CARMIL1: variants seen among roughly 807,000 people sequenced by gnomAD.
The protein encoded by CARMIL1 is F-actin-uncapping protein LRRC16A.
In CARMIL1, 90 loss-of-function variants were observed where a neutral mutation model predicts 177.1. The ratio of observed to expected loss-of-function variants is 0.51; its 90% CI spans 0.43 to 0.61. CARMIL1 has a LOEUF of 0.61. CARMIL1 is among the 20% of genes least tolerant of loss of function. CARMIL1 has a pLI of 0.00. For missense variants in CARMIL1, 1,380 were observed against 1,667.0 expected (o/e 0.83, Z 3.00); for synonymous variants, 577 against 606.2 (o/e 0.95, Z 0.71).
At chr6:25,312,923 A>AC (rs1443996718) in intron 2 of CARMIL1, among the ~76,000 whole-genome samples, 18 of 151,402 alleles carry the variant, frequency 1.2e-4, no homozygotes, top group Admixed American at 3.3e-4. Context: ...AAAAAAAAAA[A>AC]AAAAAAAACC....
At chr6:25,365,476 C>T (rs1355749558) in intron 2 of CARMIL1, among the ~76,000 whole-genome samples, 1 of 152,144 alleles carries the variant, frequency 6.6e-6, no homozygotes, top group African/African-American at 2.4e-5. Flanking sequence ...TTCTATTTAT[C>T]GCAGTAGTGC....
chr6:25,376,935 G>A (rs982766353), intron 2 of CARMIL1, among the ~76,000 whole-genome samples: 4 of 152,134 alleles, frequency 2.6e-5, no homozygotes, highest in African/African-American at 9.7e-5. Context: ...TCCCTGCTAG[G>A]CCAGCAGGAA....
chr6:25,315,958 G>A (rs554279586), intron 2 of CARMIL1, among the ~76,000 whole-genome samples: 104 of 152,262 alleles, frequency 6.8e-4, no homozygotes, highest in Admixed American at 3.7e-3. Context: ...GAGCTTATTT[G>A]CACATTACAC....
intron 31 of CARMIL1, among the ~76,000 whole-genome samples, chr6:25,594,112 G>A (rs1814584767): frequency 2.0e-5 from 3 of 152,140 alleles, no homozygotes; most frequent in Non-Finnish European, 2.9e-5. Flanking sequence ...CCACACGCCT[G>A]CAGTGCCTTT....
chr6:25,319,019 A>G (rs1278152115), intron 2 of CARMIL1, among the ~76,000 whole-genome samples: 1 of 152,142 alleles, frequency 6.6e-6, no homozygotes, highest in African/African-American at 2.4e-5. Flanking sequence ...AGCTCTTATT[A>G]GCTGTTTACT....
intron 2 of CARMIL1, among the ~76,000 whole-genome samples, chr6:25,402,272 G>T (rs73730725): frequency 0.019 from 2,837 of 152,196 alleles, 68 homozygotes; most frequent in African/African-American, 0.06. Context: ...TTATTTTTAT[G>T]TGACATTTAG....
At chr6:25,453,881 T>A (rs973261368) in intron 8 of CARMIL1, among the ~76,000 whole-genome samples, 1 of 152,196 alleles carries the variant, frequency 6.6e-6, no homozygotes, top group African/African-American at 2.4e-5. Context: ...TTTTTGGACT[T>A]ACTTTATTAT....
At chr6:25,419,809 A>G (rs1200621504) in intron 2 of CARMIL1, among the ~76,000 whole-genome samples, 2 of 152,172 alleles carry the variant, frequency 1.3e-5, no homozygotes, top group African/African-American at 4.8e-5. Flanking sequence ...TATGCATTTT[A>G]GTATCACAGA....
At chr6:25,491,588 T>C in intron 13 of CARMIL1, 144 bp from the exon 14 acceptor site, 1 of 530,592 alleles carries the variant, frequency 1.9e-6, no homozygotes, top group Admixed American at 3.5e-5. Flanking sequence ...CCTAAAGGAA[T>C]GACAGAAAAT....
intron 23 of CARMIL1, among the ~76,000 whole-genome samples, chr6:25,528,469 T>C (rs1244400325): frequency 2.6e-5 from 4 of 152,198 alleles, no homozygotes; most frequent in African/African-American, 9.7e-5. Context: ...GAGAGAAGGA[T>C]TGAGATTGTG....
intron 8 of CARMIL1, among the ~76,000 whole-genome samples, chr6:25,459,210 T>TCTTCTTTCTTTC (rs1554200782): frequency 1.2e-5 from 1 of 80,136 alleles, no homozygotes. Context: ...GATCCCAACT[T>TCTTCTTTCTTTC]TTTCTTTCTT....
intron 8 of CARMIL1, among the ~76,000 whole-genome samples, chr6:25,461,891 C>G (rs913513361): frequency 1.3e-5 from 2 of 151,998 alleles, no homozygotes; most frequent in African/African-American, 4.8e-5. Context: ...CCGTGCATCT[C>G]TTTTTGGTTT....
chr6:25,350,392 G>A lies in CARMIL1; in HGVS notation c.138+65483G>A, dbSNP rs149299369. Among the ~76,000 whole-genome samples, 34 of 152,262 alleles carry A rather than the reference G, an allele frequency of 2.2e-4. 1 individual carries two copies. The East Asian group carries it at 5.0e-3, about 22-fold the overall frequency. The stretch of plus-strand genomic sequence containing the variant: ...GTGATAAGCCTGAAAATCCAGATTT[G>A]TGACTTATTTTGATAAATCAGATGA... On this transcript the variant is annotated intron_variant, in intron 2 of 36. Transcript: ENST00000329474.
At chr6:25,525,908 CAA>C (rs1236028092) in intron 23 of CARMIL1, among the ~76,000 whole-genome samples, 2 of 151,814 alleles carry the variant, frequency 1.3e-5, no homozygotes, top group African/African-American at 4.8e-5. Context: ...ATAAAAGAAA[CAA>C]AGGACAAATG....
At position 25,581,394 on chromosome 6, in the gene CARMIL1, G is replaced by A. The variant is rs1423109577; in HGVS notation, c.2961G>A (p.Lys987=). ...GGAAGAAGCTGGAACACTTTACCAA[G>A]TTAAGGCCAAAAAGGAATAAGAAGC... ...EEGKKLEHFT[K]LRPKRNKKQQ... is the part of the protein sequence containing the mutation. Residue 987 remains lysine (K), a synonymous_variant, in exon 31 of 37, where the codon AAG becomes AAA. Coordinates refer to ENST00000329474, the MANE Select transcript of CARMIL1 (RefSeq NM_017640.6). 3 of 1,613,414 alleles carry A rather than the reference G, an allele frequency of 1.9e-6. No homozygotes were observed. The highest frequency in any genetic ancestry group is 1.7e-5 in the Admixed American group (1 of 59,920).
At chr6:25,330,445 C>T (rs1561992423) in intron 2 of CARMIL1, among the ~76,000 whole-genome samples, 1 of 152,164 alleles carries the variant, frequency 6.6e-6, no homozygotes. Context: ...ATCAGATTTC[C>T]ATTTTGATTG....
At position 25,516,926 on chromosome 6, in the gene CARMIL1, G is replaced by T. The variant is rs924004481; in HGVS notation, c.1806-421G>T. ...ACACTAGTGTTTTACTGTTTGGGGGGAACAATCTCAGTAGCTGAAATTCTT... is the reference window on the plus strand; with the variant it reads ...ACACTAGTGTTTTACTGTTTGGGGGTAACAATCTCAGTAGCTGAAATTCTT... On this transcript the variant is annotated intron_variant, in intron 21 of 36. Coordinates refer to ENST00000329474, the MANE Select transcript of CARMIL1 (RefSeq NM_017640.6). Among the ~76,000 whole-genome samples the T allele has an allele frequency of 2.0e-5, 3 of 152,174 alleles. No homozygotes were observed. The East Asian group carries it at 5.8e-4, about 29-fold the overall frequency.
intron 5 of CARMIL1, among the ~76,000 whole-genome samples, chr6:25,439,973 G>C (rs1797587866): frequency 6.6e-6 from 1 of 152,112 alleles, no homozygotes; most frequent in Non-Finnish European, 1.5e-5. Flanking sequence ...GAGAGGCAAA[G>C]TACAAAACAT....
At chr6:25,384,258 G>A (rs1791917476) in intron 2 of CARMIL1, among the ~76,000 whole-genome samples, 1 of 152,208 alleles carries the variant, frequency 6.6e-6, no homozygotes, top group South Asian at 2.1e-4. Context: ...GGACATTACT[G>A]GCACCATTGC....
Sources: gnomAD v4.1 joint callset for allele counts (sites outside exome capture counted in the v4.1 genomes callset) on GRCh38, gnomAD v4.1.1 for gene constraint, MANE v1.5 for transcripts, NCBI Gene and HGNC (gene_info 2026-07-23, HGNC 2026-07-21) for gene names.